The following LAMA5 variants were observed in gnomAD, a reference collection of about 807,000 sequenced individuals.
LAMA5 encodes laminin subunit alpha 5, also known as laminin subunit alpha-5.
A neutral mutation model predicts 433.4 loss-of-function variants in LAMA5; 260 were observed. The observed-to-expected ratio is 0.60, with a 90% CI of 0.54 to 0.66. LAMA5 has a LOEUF of 0.66. Among genes scored for constraint, LAMA5 ranks in the 30% least tolerant of loss-of-function variants. The pLI, the probability that LAMA5 is intolerant of heterozygous loss-of-function variation, is 0.00. For missense variants in LAMA5, 5,378 were observed against 5,258.5 expected (o/e 1.02, Z -0.70); for synonymous variants, 2,620 against 2,226.6 (o/e 1.18, Z -4.97).
chr20:62,334,386 C>A, intron 21 of LAMA5, 44 bp from the exon 22 acceptor site: 2 of 1,549,872 alleles, frequency 1.3e-6, no homozygotes, highest in East Asian at 2.4e-5. Flanking sequence ...GGCCATCCTA[C>A]CTAGCCCTGC....
rs1362992724 is a variant in LAMA5, at chr20:62,311,749, A to G, written c.9671T>C (p.Met3224Thr). 6.4e-7 allele frequency: 1 copy of G among 1,561,220 alleles called. No homozygotes were observed. The highest frequency in any genetic ancestry group is 8.7e-7 in the Non-Finnish European group (1 of 1,154,438). The change falls in exon 71 of 80, where the codon ATG (methionine) becomes ACG (threonine). Residue 3224 changes from methionine (M) to threonine (T), a missense_variant. By Grantham distance (81) the Met-to-Thr change is moderately conservative (BLOSUM62 -1). Transcript: ENST00000252999. ...GGGGGGTGGTCCCCGGTGGGGCTTCATCTGCTGGAGCTGGTCATCGACATA... is the reference window on the plus strand; with the variant it reads ...GGGGGGTGGTCCCCGGTGGGGCTTCGTCTGCTGGAGCTGGTCATCGACATA... ...WLYVDDQLQQMKPHRGPPPEL... is the reference protein window; with the variant it reads ...WLYVDDQLQQTKPHRGPPPEL...
chr20:62,309,282 GGGC>G lies in LAMA5; in HGVS notation c.*51_*53del. 1 of 1,565,446 alleles carries G rather than the reference GGGC, an allele frequency of 6.4e-7. No individual in the cohort carries two copies. Among genetic ancestry groups the G allele is most frequent in the South Asian group, 1.1e-5 (1 of 87,632 alleles). ...TAGACACCTATGAGGCGAGCACAAG[GGGC>G]GGTGTGAGGCAGCTGCAGGGGCCTG... On this transcript the variant is annotated 3_prime_UTR_variant, in exon 80 of 80. Transcript: ENST00000252999.
rs774551901 is a variant in LAMA5, at chr20:62,334,180, G to A, written c.2739+6C>T. On this transcript the variant is annotated splice_donor_region_variant and intron_variant, in intron 22 of 79. Transcript: ENST00000252999. ...CTGAGCCTGGGAGGGGGAGCACAGC[G>A]CCCACCTGGACAGGTGCCATCTGCG... is the stretch of plus-strand genomic sequence containing the variant. 5.6e-6 allele frequency: 9 copies of A among 1,610,774 alleles called. No individual in the cohort carries two copies. Among genetic ancestry groups the A allele is most frequent in the Admixed American group, 1.7e-5 (1 of 59,922 alleles).
At position 62,313,023 on chromosome 20, in the gene LAMA5, G is replaced by C; in HGVS notation, c.8956-13C>G. On this transcript the variant is annotated splice_polypyrimidine_tract_variant and intron_variant, in intron 65 of 79. Coordinates refer to ENST00000252999, the MANE Select transcript of LAMA5 (RefSeq NM_005560.6). ...ACAGGAACTGGCTCTGCAGAAACAG[G>C]GCAGGGTTAGTGTGGGGCAGGGTCA... 1 of 1,588,454 alleles carries C rather than the reference G, an allele frequency of 6.3e-7. No homozygotes were observed. The highest frequency in any genetic ancestry group is 8.6e-7 in the Non-Finnish European group (1 of 1,165,462).
intron 6 of LAMA5, 46 bp from the exon 7 acceptor site, chr20:62,347,074 G>A (rs763294013): frequency 6.7e-7 from 1 of 1,492,738 alleles, no homozygotes; most frequent in African/African-American, 1.4e-5. Context: ...CTGGAGGCAG[G>A]TGGCAGGTGC....
In LAMA5 at chr20:62,310,225, G is replaced by C; in HGVS notation, c.10687C>G (p.Gln3563Glu). 6.2e-7 allele frequency: 1 copy of C among 1,612,638 alleles called. No homozygotes were observed. Among genetic ancestry groups the C allele is most frequent in the Non-Finnish European group, 8.5e-7 (1 of 1,179,944 alleles). Residue 3563 changes from glutamine (Q) to glutamate (E), a missense_variant, in exon 77 of 80, where the codon CAG becomes GAG. Physicochemically the swap from Gln to Glu is conservative, Grantham distance 29. Coordinates refer to ENST00000252999, the MANE Select transcript of LAMA5 (RefSeq NM_005560.6). Reference protein sequence around the residue: ...AVTGLIFHLGQARTPPYLQLQ... With the variant: ...AVTGLIFHLGEARTPPYLQLQ... ...TGCAAGTAGGGGGGCGTCCGGGCCT[G>C]GCCCAAGTGGAAGATCAGTCCGGTG... is the stretch of plus-strand genomic sequence containing the variant.
chr20:62,358,604 G>A (rs1005188937), intron 2 of LAMA5, among the ~76,000 whole-genome samples: 3 of 152,178 alleles, frequency 2.0e-5, no homozygotes, highest in South Asian at 2.1e-4. Flanking sequence ...GCCTGGGCGC[G>A]CTGGGCCTCC....
At chr20:62,365,785 T>A (rs1986654832) in intron 1 of LAMA5, among the ~76,000 whole-genome samples, 1 of 152,132 alleles carries the variant, frequency 6.6e-6, no homozygotes, top group African/African-American at 2.4e-5. Flanking sequence ...AGATCCCCCA[T>A]CTGAAGTGTG....
intron 58 of LAMA5, among the ~76,000 whole-genome samples, 181 bp from the exon 59 acceptor site, chr20:62,315,388 C>T (rs1986831559): frequency 6.6e-6 from 1 of 152,144 alleles, no homozygotes; most frequent in African/African-American, 2.4e-5. Context: ...ACCAGACGCC[C>T]CCTCCATGCC....
intron 39 of LAMA5, 35 bp downstream of exon 39, chr20:62,326,830 C>T (rs762082897): frequency 1.9e-6 from 3 of 1,601,748 alleles, no homozygotes; most frequent in Non-Finnish European, 1.7e-6. Flanking sequence ...CCACGCCCAC[C>T]CAACCACCCT....
rs1318372152 is a variant in LAMA5 at position 62,335,094 on chromosome 20, C to G, written c.2409G>C (p.Val803=). ...TGCAGGACGCGCAGGCCTGGCCGCA[C>G]ACGTGGGGCTTGCAGAAGCACTGGC... ...GTGQCFCKPH[V]CGQACASCKD... The change falls in exon 20 of 80, where the codon GTG becomes GTC. Residue 803 remains valine, a synonymous_variant. Transcript: ENST00000252999. 6.2e-7 allele frequency: 1 copy of G among 1,613,050 alleles called. No individual in the cohort carries two copies. Among genetic ancestry groups the G allele is most frequent in the South Asian group, 1.1e-5 (1 of 91,088 alleles).
chr20:62,352,796 A>ACGG (rs1555884451), intron 3 of LAMA5, among the ~76,000 whole-genome samples: 1 of 152,028 alleles, frequency 6.6e-6, no homozygotes, highest in Non-Finnish European at 1.5e-5. Flanking sequence ...AGTACTCTTG[A>ACGG]CGCAGGTGGC....
chr20:62,347,601 C>G (rs1983584942), intron 6 of LAMA5, among the ~76,000 whole-genome samples: 1 of 152,230 alleles, frequency 6.6e-6, no homozygotes, highest in Non-Finnish European at 1.5e-5. Context: ...CTTCTTCCAG[C>G]TGGGGTGGAC....
At chr20:62,344,216 G>A (rs572783811) in intron 11 of LAMA5, among the ~76,000 whole-genome samples, 65 of 149,776 alleles carry the variant, frequency 4.3e-4, no homozygotes, top group African/African-American at 1.5e-3. Context: ...TGGGAAAGAT[G>A]CCATGCTTGT....
At position 62,309,321 on chromosome 20, in the gene LAMA5, G is replaced by A. The variant is rs371653451; in HGVS notation, c.*15C>T. On this transcript the variant is annotated 3_prime_UTR_variant, in exon 80 of 80. Transcript: ENST00000252999. ...AGCTGCAGGGGCCTGACCAGGGGCC[G>A]GGGTTGGCTGTGTCCTAGGCGGCTG... 89 of 1,590,338 alleles carry A rather than the reference G, an allele frequency of 5.6e-5. No homozygotes were observed. The highest frequency in any genetic ancestry group is 8.0e-5 in the African/African-American group (6 of 74,822).
chr20:62,364,516 C>A (rs1041387857), intron 1 of LAMA5, among the ~76,000 whole-genome samples: 12 of 152,216 alleles, frequency 7.9e-5, no homozygotes, highest in African/African-American at 2.7e-4. Flanking sequence ...ACTCACTGAG[C>A]CACAGAGGAC....
rs149730480 is a variant in LAMA5 at position 62,318,360 on chromosome 20, C to T, written c.7239+94G>A. 693 of 451,724 alleles carry T rather than the reference C, an allele frequency of 1.5e-3. 4 individuals are homozygous for T. The highest frequency in any genetic ancestry group is 3.1e-3 in the Middle Eastern group (5 of 1,594). The allele number at this position is 451,724 out of a possible 1,614,324, so 28.0% of individuals were successfully genotyped here. On this transcript the variant is annotated intron_variant, in intron 53 of 79. Coordinates refer to ENST00000252999, the MANE Select transcript of LAMA5 (RefSeq NM_005560.6). ...AGGGGAGGACGGAGGGAGGGGAGGA[C>T]GAGGGGAGGGGAGGGGAGGAGCCGG...
rs780212320 is a variant in LAMA5 at position 62,311,443 on chromosome 20, G to T, written c.9900C>A (p.Thr3300=). 1 of 1,601,130 alleles carries T rather than the reference G, an allele frequency of 6.2e-7. No individual in the cohort carries two copies. Among genetic ancestry groups the T allele is most frequent in the Admixed American group, 1.7e-5 (1 of 58,496 alleles). ...TGCAPALQAQ[T]PGLGPRGLQA... ...GCAGTCCTCTAGGCCCCAGGCCCGG[G>T]GTCTGGGCTTGCAGGGCGGGTGCAC... Residue 3300 remains threonine (T), a synonymous_variant, in exon 72 of 80, where the codon ACC becomes ACA. Transcript: ENST00000252999.
At chr20:62,340,036 G>A (rs1982336416) in intron 11 of LAMA5, among the ~76,000 whole-genome samples, 1 of 148,162 alleles carries the variant, frequency 6.7e-6, no homozygotes, top group African/African-American at 2.7e-5. Context: ...ACAGAGGAGT[G>A]AGGACGGAAG....
Sources: allele counts gnomAD v4.1 joint callset (sites outside exome capture counted in the v4.1 genomes callset), GRCh38; gene constraint gnomAD v4.1.1; transcripts MANE v1.5; gene names NCBI Gene and HGNC (gene_info 2026-07-23, HGNC 2026-07-21).